TSPAN18: variants seen among roughly 807,000 people sequenced by gnomAD.
The protein encoded by TSPAN18 is tetraspanin-18.
Under a neutral mutation model 27.3 loss-of-function variants are expected in TSPAN18, and 14 were observed. That is an observed-to-expected ratio of 0.51 (90% CI 0.34 to 0.80). TSPAN18 has a LOEUF of 0.80. TSPAN18 is among the 30% of genes least tolerant of loss of function. TSPAN18 has a pLI of 0.01. For missense variants in TSPAN18, 268 were observed against 323.9 expected, an observed-to-expected ratio of 0.83 and a Z score of 1.32; for synonymous variants, 143 against 136.5, an observed-to-expected ratio of 1.05 and a Z score of -0.33.
intron 2 of TSPAN18, among the ~76,000 whole-genome samples, chr11:44,779,616 A>C (rs1030019606): frequency 5.9e-5 from 9 of 152,146 alleles, no homozygotes; most frequent in African/African-American, 2.2e-4. Context: ...ACACTGCTGC[A>C]TGCTATGCCT....
chr11:44,852,634 G>A (rs544045147), intron 2 of TSPAN18, among the ~76,000 whole-genome samples: 6 of 152,356 alleles, frequency 3.9e-5, no homozygotes, highest in African/African-American at 1.4e-4. Context: ...TCTCCAGTGT[G>A]TGCCACCTGT....
intron 4 of TSPAN18, among the ~76,000 whole-genome samples, chr11:44,907,142 G>A (rs544863817): frequency 0.17 from 2,708 of 15,658 alleles, 32 homozygotes; most frequent in Non-Finnish European, 0.48. Flanking sequence ...TATATGAAGG[G>A]ACAGCCCCGG....
chr11:44,899,348 C>T (rs1859174663), intron 3 of TSPAN18, among the ~76,000 whole-genome samples: 1 of 152,228 alleles, frequency 6.6e-6, no homozygotes, highest in Non-Finnish European at 1.5e-5. Context: ...AAACCCAAGA[C>T]ACTTGCCCCT....
chr11:44,844,063 C>A (rs531961479), intron 2 of TSPAN18, among the ~76,000 whole-genome samples: 3 of 152,306 alleles, frequency 2.0e-5, no homozygotes, highest in African/African-American at 7.2e-5. Context: ...TCCATGAAAT[C>A]TTTACAATTT....
At chr11:44,834,108 C>A (rs1289743451) in intron 2 of TSPAN18, among the ~76,000 whole-genome samples, 1 of 151,882 alleles carries the variant, frequency 6.6e-6, no homozygotes, top group African/African-American at 2.4e-5. Context: ...CACGAGATTG[C>A]TGAGGCCAGG....
chr11:44,814,712 A>G (rs1030674624), intron 2 of TSPAN18, among the ~76,000 whole-genome samples: 2 of 152,050 alleles, frequency 1.3e-5, no homozygotes, highest in African/African-American at 4.8e-5. Context: ...TCATTCATCA[A>G]TGGTAAATGG....
At chr11:44,861,772 T>C (rs1857893345) in intron 3 of TSPAN18, among the ~76,000 whole-genome samples, 1 of 143,022 alleles carries the variant, frequency 7.0e-6, no homozygotes, top group South Asian at 2.3e-4. Flanking sequence ...TTAGTGAATC[T>C]AGTATCTGAA....
At chr11:44,889,065 C>T (rs967809167) in intron 3 of TSPAN18, among the ~76,000 whole-genome samples, 3 of 152,246 alleles carry the variant, frequency 2.0e-5, no homozygotes, top group Non-Finnish European at 4.4e-5. Context: ...AGGTGCCTTC[C>T]GCCATGATTG....
chr11:44,801,540 A>C (rs902298740), intron 2 of TSPAN18, among the ~76,000 whole-genome samples: 5 of 152,218 alleles, frequency 3.3e-5, no homozygotes, highest in African/African-American at 1.2e-4. Context: ...CACTAGTTTC[A>C]AGGAGTTGGT....
chr11:44,818,312 C>T (rs977656732), intron 2 of TSPAN18, among the ~76,000 whole-genome samples: 1 of 152,194 alleles, frequency 6.6e-6, no homozygotes, highest in Non-Finnish European at 1.5e-5. Context: ...TATACATCCT[C>T]CAGGACGCAG....
In TSPAN18 at chr11:44,741,443, A is replaced by ATG. The variant is rs1173836174; in HGVS notation, c.-240+14158_-240+14159dup. Among the ~76,000 whole-genome samples the ATG allele has an allele frequency of 6.5e-5, 8 of 123,212 alleles. No individual in the cohort carries two copies. In the South Asian group the frequency reaches 2.4e-3, roughly 36 times the overall value. The allele number at this position is 123,212 out of a possible 152,430, so 80.8% of individuals were successfully genotyped here. A position where few individuals can be genotyped will look rare whatever the true frequency, so the allele number is the denominator to read the frequency against. On this transcript the variant is annotated intron_variant, in intron 1 of 9. Transcript: ENST00000520358. ...AGGTCTATTCAAACCTGTCTCAGAC[A>ATG]TGTATGTGTGTGTGTGTGTGTGTGT...
At chr11:44,791,764 C>T (rs1207047547) in intron 2 of TSPAN18, among the ~76,000 whole-genome samples, 1 of 152,202 alleles carries the variant, frequency 6.6e-6, no homozygotes, top group Non-Finnish European at 1.5e-5. Flanking sequence ...GGCTCGTGGC[C>T]AAGGGCAGCA....
chr11:44,926,529 C>T (rs374555533), intron 8 of TSPAN18, 145 bp from the exon 9 acceptor site: 22 of 739,738 alleles, frequency 3.0e-5, no homozygotes, highest in African/African-American at 2.1e-4. Context: ...GCCCTGCACC[C>T]CCTCCCCACT....
chr11:44,784,668 T>C (rs1265907727), intron 2 of TSPAN18, among the ~76,000 whole-genome samples: 1 of 152,224 alleles, frequency 6.6e-6, no homozygotes, highest in Non-Finnish European at 1.5e-5. Flanking sequence ...TGTTCTCTGC[T>C]GCGTCCCCAG....
intron 2 of TSPAN18, among the ~76,000 whole-genome samples, chr11:44,843,667 C>G (rs568043346): frequency 6.6e-6 from 1 of 151,986 alleles, no homozygotes; most frequent in Admixed American, 6.6e-5. Context: ...AGGTACACGC[C>G]GGGGGGGCCA....
chr11:44,744,540 C>A (rs1855026274), intron 1 of TSPAN18, among the ~76,000 whole-genome samples: 1 of 152,162 alleles, frequency 6.6e-6, no homozygotes, highest in Non-Finnish European at 1.5e-5. Context: ...CATCATGTGA[C>A]CTTAGACAAG....
chr11:44,848,266 TCAGTCCTTTGCGCACCAAA>T (rs930716978), intron 2 of TSPAN18, among the ~76,000 whole-genome samples: 11 of 152,164 alleles, frequency 7.2e-5, no homozygotes, highest in African/African-American at 2.2e-4. Flanking sequence ...TTCGAGGCGT[TCAGTCCTTTGCGCACCAAA>T]GATGGGGCAA....
At chr11:44,732,078 C>T (rs1854674508) in intron 1 of TSPAN18, among the ~76,000 whole-genome samples, 1 of 152,236 alleles carries the variant, frequency 6.6e-6, no homozygotes. Context: ...TTGTGTTCTG[C>T]CCATGGTCTG....
At chr11:44,825,500 C>T (rs928936937) in intron 2 of TSPAN18, among the ~76,000 whole-genome samples, 3 of 152,194 alleles carry the variant, frequency 2.0e-5, no homozygotes, top group African/African-American at 7.2e-5. Context: ...CGCCCCGATT[C>T]ACTGGTGGGC....
Sources: gnomAD v4.1 joint callset for allele counts (sites outside exome capture counted in the v4.1 genomes callset) on GRCh38, gnomAD v4.1.1 for gene constraint, MANE v1.5 for transcripts, NCBI Gene and HGNC (gene_info 2026-07-23, HGNC 2026-07-21) for gene names.